YME1L1: variants seen among roughly 807,000 people sequenced by gnomAD.
YME1L1 encodes ATP-dependent zinc metalloprotease YME1L1.
Under a neutral mutation model 90.4 loss-of-function variants are expected in YME1L1, and 39 were observed. The ratio of observed to expected loss-of-function variants is 0.43; its 90% CI spans 0.33 to 0.56. The LOEUF is 0.56. Ranked by LOEUF, YME1L1 falls within the 20% of genes least tolerant of loss-of-function variation. The pLI is 0.03. For synonymous variants in YME1L1, 284 were observed against 287.3 expected, an observed-to-expected ratio of 0.99 and a Z score of 0.12; for missense variants, 617 against 868.4, an observed-to-expected ratio of 0.71 and a Z score of 3.64.
intron 6 of YME1L1, among the ~76,000 whole-genome samples, chr10:27,134,396 C>CA (rs2057005596): frequency 6.6e-6 from 1 of 152,120 alleles, no homozygotes; most frequent in South Asian, 2.1e-4. Context: ...CCAGCCTGGA[C>CA]AACAGGGCAA....
chr10:27,145,651 G>T (rs547910824), intron 2 of YME1L1, 61 bp from the exon 3 acceptor site: 2 of 1,342,718 alleles, frequency 1.5e-6, no homozygotes, highest in African/African-American at 2.9e-5. Flanking sequence ...AACCTAAGGA[G>T]TACATATTAT....
chr10:27,127,183 A>G (rs759728103), intron 8 of YME1L1, among the ~76,000 whole-genome samples: 26 of 152,258 alleles, frequency 1.7e-4, no homozygotes, highest in Non-Finnish European at 3.5e-4. Flanking sequence ...ATTTCAAGAA[A>G]AATTCCCAGG....
At chr10:27,144,306 C>G (rs527341771) in intron 3 of YME1L1, among the ~76,000 whole-genome samples, 1 of 152,230 alleles carries the variant, frequency 6.6e-6, no homozygotes, top group South Asian at 2.1e-4. Context: ...GTCTAAGCCC[C>G]CAAGCTCAAA....
chr10:27,134,719 G>A, intron 6 of YME1L1, 112 bp downstream of exon 6: 6 of 1,079,284 alleles, frequency 5.6e-6, no homozygotes, highest in Middle Eastern at 2.5e-4. Context: ...TACAAATATA[G>A]TGGAATTTAA....
At chr10:27,132,868 T>G (rs2056991237) in intron 7 of YME1L1, among the ~76,000 whole-genome samples, 1 of 152,068 alleles carries the variant, frequency 6.6e-6, no homozygotes, top group Non-Finnish European at 1.5e-5. Context: ...AATGACCTAT[T>G]TGTACTTTTC....
intron 7 of YME1L1, among the ~76,000 whole-genome samples, chr10:27,133,773 C>T (rs2135875135): frequency 6.6e-6 from 1 of 152,078 alleles, no homozygotes; most frequent in African/African-American, 2.4e-5. Flanking sequence ...GCTTGTATTG[C>T]CATTATAAAA....
At chr10:27,142,111 G>A (rs985347957) in intron 4 of YME1L1, among the ~76,000 whole-genome samples, 4 of 152,040 alleles carry the variant, frequency 2.6e-5, no homozygotes, top group Admixed American at 1.3e-4. Flanking sequence ...AAGTGAGGAT[G>A]AGTAAGCAAA....
chr10:27,150,913 CTCTCGCCTTTT>C (rs1167147804), intron 1 of YME1L1, among the ~76,000 whole-genome samples: 212 of 146,390 alleles, frequency 1.4e-3, no homozygotes, highest in African/African-American at 5.2e-3. Flanking sequence ...TTTATAGACT[CTCTCGCCTTTT>C]TTTTTTTTTT....
Position 27,136,282 on chromosome 10 carries a change from G to T in YME1L1, c.534C>A (p.Phe178Leu). 1 of 1,610,734 alleles carries T rather than the reference G, an allele frequency of 6.2e-7. No homozygotes were observed. Among genetic ancestry groups the T allele is most frequent in the African/African-American group, 1.3e-5 (1 of 74,540 alleles). Residue 178 changes from phenylalanine to leucine, a missense_variant, in exon 5 of 19, where the codon TTC becomes TTA. Physicochemically the swap from Phe to Leu is conservative, Grantham distance 22 (BLOSUM62 0). This residue lies in a region of YME1L1 where 311 missense variants were observed against 335.8 expected (regional missense o/e 0.93). Coordinates refer to ENST00000376016, the MANE Select transcript of YME1L1 (RefSeq NM_014263.4). Reference sequence around the variant, plus strand: ...CATAAAAAGGTCTAATTACCTTCACGAATGATGGCGCTATATTCTGTGTTT... The same window carrying T: ...CATAAAAAGGTCTAATTACCTTCACTAATGATGGCGCTATATTCTGTGTTT... ...LAETQNIAPS[F>L]VKGFLLRDRG...
At chr10:27,149,627 C>T (rs567027944) in intron 1 of YME1L1, among the ~76,000 whole-genome samples, 14 of 141,742 alleles carry the variant, frequency 9.9e-5, no homozygotes, top group Admixed American at 3.8e-4. Context: ...AGAAGAATTG[C>T]TTGATCTCAG....
At chr10:27,116,375 A>T (rs756791304) in intron 15 of YME1L1, 30 bp from the exon 16 acceptor site, 1 of 1,610,896 alleles carries the variant, frequency 6.2e-7, no homozygotes, top group Non-Finnish European at 8.5e-7. Flanking sequence ...TCAGATAAAA[A>T]ATAAGCAAAG....
intron 8 of YME1L1, among the ~76,000 whole-genome samples, chr10:27,128,896 C>T (rs1322925999): frequency 1.3e-5 from 2 of 151,544 alleles, no homozygotes; most frequent in Non-Finnish European, 2.9e-5. Flanking sequence ...GTGATAGAGC[C>T]AGACCCTGTC....
At chr10:27,121,332 C>A in intron 12 of YME1L1, 54 bp downstream of exon 12, 1 of 1,291,074 alleles carries the variant, frequency 7.7e-7, no homozygotes. Flanking sequence ...CTTCTTTTAG[C>A]ACAATTTTGT....
rs73598028 is a variant in YME1L1 at position 27,139,851 on chromosome 10, A to G, written c.430+2536T>C. Among the ~76,000 whole-genome samples the G allele has an allele frequency of 6.6e-5, 10 of 152,272 alleles. No individual in the cohort carries two copies. In the South Asian group the frequency reaches 2.1e-3, roughly 32 times the overall value. On this transcript the variant is annotated intron_variant, in intron 4 of 18. Coordinates refer to ENST00000376016, the MANE Select transcript of YME1L1 (RefSeq NM_014263.4). The stretch of plus-strand genomic sequence containing the variant: ...TGTCTGTATTTTCCTGTTGTTTCTT[A>G]ATCAGAATTGTTAAATTGTTCCTTT...
rs570805710 is a variant in YME1L1 at position 27,142,955 on chromosome 10, G to C, written c.332-470C>G. Among the ~76,000 whole-genome samples, 16 of 152,098 alleles carry C rather than the reference G, an allele frequency of 1.1e-4. No individual in the cohort carries two copies. The South Asian group carries it at 2.1e-3, about 20-fold the overall frequency. On this transcript the variant is annotated intron_variant, in intron 3 of 18. Transcript: ENST00000376016. ...TGTGGTCTTGATCTCCTGACCTCCT[G>C]ATCTGCCCACCTCGGCCTCCCAAAG...
intron 7 of YME1L1, among the ~76,000 whole-genome samples, chr10:27,133,319 G>A (rs1333341813): frequency 2.6e-5 from 4 of 152,172 alleles, no homozygotes; most frequent in African/African-American, 9.6e-5. Flanking sequence ...GATTTCTTAA[G>A]TCTTTCCCAC....
At position 27,136,313 on chromosome 10, in the gene YME1L1, A is replaced by C. The variant is rs1290442325; in HGVS notation, c.503T>G (p.Leu168Ter). 1 of 1,613,626 alleles carries C rather than the reference A, an allele frequency of 6.2e-7. No homozygotes were observed. The highest frequency in any genetic ancestry group is 1.7e-5 in the Admixed American group (1 of 59,902). ...TRRLQSTSER[L>*]AETQNIAPSF... ...TGGCGCTATATTCTGTGTTTCAGCT[A>C]ATCTCTCGGAGGTAGACTGGAGACG... Residue 168 changes from leucine (L) to a stop codon, truncating the protein, a stop_gained, in exon 5 of 19, where the codon TTA (leucine) becomes TGA (stop). Transcript: ENST00000376016. LOFTEE classifies it high-confidence loss of function.
chr10:27,132,678 G>C (rs2056989184), intron 7 of YME1L1, among the ~76,000 whole-genome samples: 1 of 151,850 alleles, frequency 6.6e-6, no homozygotes, highest in Non-Finnish European at 1.5e-5. Flanking sequence ...AATTAGCTGG[G>C]CATGGTGGCG....
intron 4 of YME1L1, among the ~76,000 whole-genome samples, chr10:27,141,601 G>A (rs1023132566): frequency 7.1e-6 from 1 of 141,476 alleles, no homozygotes; most frequent in Non-Finnish European, 1.6e-5. Flanking sequence ...GATGTCCCTC[G>A]ACACACACAC....
Sources: gnomAD v4.1 joint callset for allele counts (sites outside exome capture counted in the v4.1 genomes callset) on GRCh38, gnomAD v4.1.1 for gene constraint, gnomAD v4.1.1 regional missense constraint, MANE v1.5 for transcripts, NCBI Gene and HGNC (gene_info 2026-07-23, HGNC 2026-07-21) for gene names.